SENP7: variants seen among roughly 807,000 people sequenced by gnomAD.
SENP7 encodes SUMO specific peptidase 7.
In SENP7, 64 loss-of-function variants were observed where a neutral mutation model predicts 141.2. That is an observed-to-expected ratio of 0.45 (90% CI 0.37 to 0.56). SENP7 has a LOEUF of 0.56. SENP7 is among the 20% of genes least tolerant of loss of function. SENP7 has a pLI of 0.00. For synonymous variants in SENP7, 382 were observed against 426.4 expected (o/e 0.90, Z 1.28); for missense variants, 1,025 against 1,212.2 (o/e 0.85, Z 2.29).
intron 3 of SENP7, among the ~76,000 whole-genome samples, chr3:101,461,547 CCT>C (rs1486063081): frequency 1.3e-5 from 2 of 151,848 alleles, no homozygotes; most frequent in African/African-American, 4.8e-5. Context: ...GAACATGGAA[CCT>C]TCATACATTG....
In SENP7 at chr3:101,337,651, C is replaced by CAAAAGTAA. The variant is rs551041074; in HGVS notation, c.2358-28_2358-21dup. On this transcript the variant is annotated intron_variant, in intron 16 of 23. Coordinates refer to ENST00000394095, the MANE Select transcript of SENP7 (RefSeq NM_020654.5). ...AGATACCTGTAAAGTAGTAACCCCA[C>CAAAAGTAA]AAAAGTAAATTATTTTTAGATTTTA... 222 of 1,509,606 alleles carry CAAAAGTAA rather than the reference C, an allele frequency of 1.5e-4. No homozygotes were observed. In the South Asian group the frequency reaches 2.8e-3, roughly 19 times the overall value. The allele number at this position is 1,509,606 out of a possible 1,614,324, so 93.5% of individuals were successfully genotyped here. A position where few individuals can be genotyped will look rare whatever the true frequency, so the allele number is the denominator to read the frequency against.
At chr3:101,427,490 CAAAAAAA>C (rs55677738) in intron 4 of SENP7, among the ~76,000 whole-genome samples, 38 of 101,018 alleles carry the variant, frequency 3.8e-4, no homozygotes, top group Admixed American at 3.3e-3. Context: ...ACACTGTCTC[CAAAAAAA>C]AAAAAAAAAA....
At chr3:101,440,627 T>G (rs1464872092) in intron 4 of SENP7, among the ~76,000 whole-genome samples, 1 of 148,564 alleles carries the variant, frequency 6.7e-6, no homozygotes, top group Non-Finnish European at 1.5e-5. Flanking sequence ...CAAAAACTCT[T>G]CCAGAAAACA....
chr3:101,390,561 A>C (rs1252169229), intron 6 of SENP7, among the ~76,000 whole-genome samples: 1 of 152,232 alleles, frequency 6.6e-6, no homozygotes, highest in African/African-American at 2.4e-5. Context: ...TATAATTCCA[A>C]ATATACATGC....
chr3:101,462,384 A>T (rs2063575182), intron 3 of SENP7, among the ~76,000 whole-genome samples: 1 of 152,060 alleles, frequency 6.6e-6, no homozygotes, highest in Non-Finnish European at 1.5e-5. Context: ...TCTACTAAAA[A>T]TACAAAATTA....
At chr3:101,445,061 G>A (rs939676035) in intron 4 of SENP7, among the ~76,000 whole-genome samples, 1 of 151,808 alleles carries the variant, frequency 6.6e-6, no homozygotes, top group Non-Finnish European at 1.5e-5. Flanking sequence ...AAAATCAAAG[G>A]CAGAGACAGA....
intron 5 of SENP7, among the ~76,000 whole-genome samples, chr3:101,402,843 G>A (rs993109185): frequency 1.3e-5 from 2 of 152,080 alleles, no homozygotes; most frequent in African/African-American, 2.4e-5. Flanking sequence ...CTGATGGGGA[G>A]GTACAAGAGA....
rs34024627 is a variant in SENP7, at chr3:101,325,300, G to GA, written c.*642dup. On this transcript the variant is annotated 3_prime_UTR_variant, in exon 24 of 24. Coordinates refer to ENST00000394095, the MANE Select transcript of SENP7 (RefSeq NM_020654.5). ...ACTCACATATGACATCAAAAGAAATGAAAAAAAAAAAGCAGAGTAATCGTA... is the reference window on the plus strand; with the variant it reads ...ACTCACATATGACATCAAAAGAAATGAAAAAAAAAAAAGCAGAGTAATCGTA... The GA allele has an allele frequency of 0.39, 46,861 of 121,394 alleles. 7,759 individuals are homozygous for GA. Among genetic ancestry groups the GA allele is most frequent in the Non-Finnish European group, 0.46 (25,371 of 55,442 alleles). 7.5% of individuals were successfully genotyped at this position (121,394 alleles called of 1,614,324 possible).
chr3:101,433,192 T>C (rs371438975), intron 4 of SENP7, among the ~76,000 whole-genome samples: 64 of 152,132 alleles, frequency 4.2e-4, no homozygotes, highest in African/African-American at 1.5e-3. Flanking sequence ...GTTATCGGGT[T>C]AACATAAAGG....
intron 11 of SENP7, chr3:101,358,022 A>C: frequency 1.7e-6 from 1 of 586,804 alleles, no homozygotes; most frequent in Non-Finnish European, 2.9e-6. Context: ...CAAGTGTGTT[A>C]AATGTGGCAA....
intron 4 of SENP7, chr3:101,457,573 C>A (rs2063396323): frequency 6.3e-7 from 1 of 1,595,034 alleles, no homozygotes; most frequent in Non-Finnish European, 8.6e-7. Context: ...ATATTGTTTA[C>A]CCCTAACTTC....
Position 101,450,543 on chromosome 3 carries a change from C to T in SENP7, c.284+8412G>A, listed in dbSNP as rs536154646. Among the ~76,000 whole-genome samples the T allele has an allele frequency of 2.0e-5, 3 of 152,316 alleles. No homozygotes were observed. In the South Asian group the frequency reaches 6.2e-4, roughly 32 times the overall value. On this transcript the variant is annotated intron_variant, in intron 4 of 23. Coordinates refer to ENST00000394095, the MANE Select transcript of SENP7 (RefSeq NM_020654.5). ...AGACCACAGTGCAATTAAACAAGAACTCACGATTAAGAAACTCACTCAAAA... is the reference window on the plus strand; with the variant it reads ...AGACCACAGTGCAATTAAACAAGAATTCACGATTAAGAAACTCACTCAAAA...
intron 12 of SENP7, 48 bp downstream of exon 12, chr3:101,351,570 C>A: frequency 7.8e-7 from 1 of 1,276,800 alleles, no homozygotes; most frequent in Non-Finnish European, 1.0e-6. Context: ...TAAATTTATA[C>A]TAAAAACTAT....
intron 12 of SENP7, among the ~76,000 whole-genome samples, chr3:101,348,617 A>G (rs886175621): frequency 7.2e-5 from 11 of 152,138 alleles, no homozygotes; most frequent in Non-Finnish European, 1.3e-4. Flanking sequence ...AGCCACTATC[A>G]AAAGAGTCTC....
chr3:101,459,142 T>C, intron 3 of SENP7, 90 bp from the exon 4 acceptor site: 1 of 685,230 alleles, frequency 1.5e-6, no homozygotes, highest in Non-Finnish European at 2.4e-6. Flanking sequence ...AAATTTGTTA[T>C]AAACGATCAA....
At chr3:101,369,071 C>T (rs1176062091) in intron 7 of SENP7, among the ~76,000 whole-genome samples, 6 of 152,120 alleles carry the variant, frequency 3.9e-5, no homozygotes, top group Admixed American at 1.3e-4. Context: ...TTTAAGTCAA[C>T]AAGACATCAT....
intron 11 of SENP7, among the ~76,000 whole-genome samples, chr3:101,356,337 G>A (rs2059742230): frequency 6.6e-6 from 1 of 152,076 alleles, no homozygotes; most frequent in African/African-American, 2.4e-5. Context: ...CTCTGATGCA[G>A]CAACAATTGA....
At chr3:101,452,431 A>AG (rs2063178029) in intron 4 of SENP7, among the ~76,000 whole-genome samples, 1 of 152,198 alleles carries the variant, frequency 6.6e-6, no homozygotes, top group Non-Finnish European at 1.5e-5. Flanking sequence ...AAAAGAACAA[A>AG]GCTGGAGGCA....
At chr3:101,487,810 T>C (rs2064793786) in intron 3 of SENP7, among the ~76,000 whole-genome samples, 1 of 152,180 alleles carries the variant, frequency 6.6e-6, no homozygotes. Flanking sequence ...TTCTTTTCCA[T>C]TGCTCTATGT....
Sources: allele counts gnomAD v4.1 joint callset (sites outside exome capture counted in the v4.1 genomes callset), GRCh38; gene constraint gnomAD v4.1.1; transcripts MANE v1.5; gene names NCBI Gene and HGNC (gene_info 2026-07-23, HGNC 2026-07-21).